ITFG1: variants seen among roughly 807,000 people sequenced by gnomAD.
ITFG1 encodes the protein T-cell immunomodulatory protein.
Under a neutral mutation model 81.8 loss-of-function variants are expected in ITFG1, and 34 were observed. The observed-to-expected ratio is 0.42, with a 90% CI of 0.32 to 0.55. ITFG1 has a LOEUF of 0.55. Ranked by LOEUF, ITFG1 falls within the 20% of genes least tolerant of loss-of-function variation. The pLI, the probability that ITFG1 is intolerant of heterozygous loss-of-function variation, is 0.17. For missense variants in ITFG1, 672 were observed against 755.4 expected, an observed-to-expected ratio of 0.89 and a Z score of 1.29; for synonymous variants, 285 against 270.6, an observed-to-expected ratio of 1.05 and a Z score of -0.52.
chr16:47,380,048 C>CA (rs763213367), intron 6 of ITFG1, among the ~76,000 whole-genome samples: 4,039 of 48,372 alleles, frequency 0.083, 154 homozygotes, highest in African/African-American at 0.16. Context: ...CTTGGGTAGC[C>CA]AAAAAAAAAA....
At chr16:47,323,393 A>T (rs1967478416) in intron 8 of ITFG1, among the ~76,000 whole-genome samples, 1 of 152,138 alleles carries the variant, frequency 6.6e-6, no homozygotes, top group African/African-American at 2.4e-5. Context: ...TAGCAGGCTC[A>T]GCCCCCTAGT....
At chr16:47,412,631 G>C (rs2151603538) in intron 6 of ITFG1, among the ~76,000 whole-genome samples, 1 of 151,442 alleles carries the variant, frequency 6.6e-6, no homozygotes, top group Non-Finnish European at 1.5e-5. Flanking sequence ...GGAGGTGGAG[G>C]TTGCAGTGAG....
intron 12 of ITFG1, among the ~76,000 whole-genome samples, chr16:47,245,026 C>T (rs114787693): frequency 0.022 from 3,396 of 152,234 alleles, 125 homozygotes; most frequent in African/African-American, 0.076. Flanking sequence ...CCTGAGCAGA[C>T]TAATACACAT....
At chr16:47,217,805 G>A (rs2151526665) in intron 14 of ITFG1, among the ~76,000 whole-genome samples, 1 of 152,156 alleles carries the variant, frequency 6.6e-6, no homozygotes, top group South Asian at 2.1e-4. Flanking sequence ...GGCACCTGTG[G>A]TCCCAGCTGC....
At chr16:47,302,035 C>CA (rs112171675) in intron 10 of ITFG1, among the ~76,000 whole-genome samples, 17,631 of 142,740 alleles carry the variant, frequency 0.12, 2,197 homozygotes, top group African/African-American at 0.33. Flanking sequence ...AATGAGTCTT[C>CA]AAAAAAAAAA....
chr16:47,174,250 G>T (rs1964995018), intron 14 of ITFG1, among the ~76,000 whole-genome samples: 5 of 152,018 alleles, frequency 3.3e-5, no homozygotes, highest in Admixed American at 2.6e-4. Flanking sequence ...TTTTAGGCAA[G>T]ATATTGAAGC....
chr16:47,433,792 T>TATATATATAC lies in ITFG1; in HGVS notation c.561-4895_561-4894insGTATATATAT, dbSNP rs1491145615. On this transcript the variant is annotated intron_variant, in intron 5 of 17. Coordinates refer to ENST00000320640, the MANE Select transcript of ITFG1 (RefSeq NM_030790.5). ...CTGAATATATATATATATATATATA[T>TATATATATAC]ACACACACACACATACACACACGTA... 5.0e-3 allele frequency among the ~76,000 whole-genome samples: 683 copies of TATATATATAC among 135,630 alleles called. 9 individuals carry two copies. The highest frequency in any genetic ancestry group is 0.018 in the African/African-American group (649 of 35,300). The allele number at this position is 135,630 out of a possible 152,430, so 89.0% of individuals were successfully genotyped here.
intron 6 of ITFG1, among the ~76,000 whole-genome samples, chr16:47,380,273 G>A (rs984358928): frequency 3.3e-5 from 5 of 152,082 alleles, no homozygotes; most frequent in South Asian, 2.1e-4. Flanking sequence ...TCAGATTCAC[G>A]CAAAACTTCA....
intron 10 of ITFG1, among the ~76,000 whole-genome samples, chr16:47,303,359 T>C (rs1471458063): frequency 6.6e-6 from 1 of 152,204 alleles, no homozygotes; most frequent in African/African-American, 2.4e-5. Context: ...TCTTTGCTTA[T>C]GAAGAAAGTG....
At position 47,154,632 on chromosome 16, in the gene ITFG1, C is replaced by A. The variant is rs571979208; in HGVS notation, c.*1087G>T. 1 of 151,936 alleles carries A rather than the reference C, an allele frequency of 6.6e-6. No individual in the cohort carries two copies. The highest frequency in any genetic ancestry group is 2.1e-4 in the South Asian group (1 of 4,808). The allele number at this position is 151,936 out of a possible 1,614,324, so 9.4% of individuals were successfully genotyped here. On this transcript the variant is annotated 3_prime_UTR_variant, in exon 18 of 18. Transcript: ENST00000320640. Reference sequence around the variant, plus strand: ...TAACTTTTTGGAAATGTGAAGTTCACAATACAAAATTTGCATTGAAGTCTG... The same window carrying A: ...TAACTTTTTGGAAATGTGAAGTTCAAAATACAAAATTTGCATTGAAGTCTG...
At chr16:47,303,471 T>C (rs1229161977) in intron 10 of ITFG1, among the ~76,000 whole-genome samples, 1 of 138,872 alleles carries the variant, frequency 7.2e-6, no homozygotes, top group East Asian at 2.1e-4. Context: ...AGTTACCCAA[T>C]ATAGCACTTA....
At chr16:47,297,100 C>T (rs555261984) in intron 10 of ITFG1, among the ~76,000 whole-genome samples, 3 of 152,172 alleles carry the variant, frequency 2.0e-5, no homozygotes, top group African/African-American at 7.2e-5. Flanking sequence ...AATCTGGGTG[C>T]TCTGGTGCTG....
intron 12 of ITFG1, among the ~76,000 whole-genome samples, chr16:47,249,476 A>G (rs973291439): frequency 1.3e-5 from 2 of 152,282 alleles, no homozygotes; most frequent in Middle Eastern, 3.4e-3. Flanking sequence ...ATTGTGTAAT[A>G]CCCTTTTAAA....
chr16:47,365,424 T>G (rs1968163828), intron 8 of ITFG1: 1 of 172,850 alleles, frequency 5.8e-6, no homozygotes, highest in African/African-American at 2.4e-5. Context: ...AGTATTGGTT[T>G]TAAGAGGTCA....
chr16:47,249,317 G>T (rs1966038685), intron 12 of ITFG1, among the ~76,000 whole-genome samples: 1 of 152,134 alleles, frequency 6.6e-6, no homozygotes. Context: ...TACTTGGGAG[G>T]CTGAGGCAGG....
At chr16:47,215,292 G>C (rs543917605) in intron 14 of ITFG1, among the ~76,000 whole-genome samples, 6 of 152,192 alleles carry the variant, frequency 3.9e-5, no homozygotes, top group African/African-American at 1.4e-4. Context: ...ATTTAAACTG[G>C]GAATTTTCAT....
At position 47,271,922 on chromosome 16, in the gene ITFG1, T is replaced by A. The variant is rs954970773; in HGVS notation, c.1071-11227A>T. Among the ~76,000 whole-genome samples the A allele has an allele frequency of 3.3e-5, 5 of 152,120 alleles. No homozygotes were observed. The East Asian group carries it at 9.6e-4, about 29-fold the overall frequency. On this transcript the variant is annotated intron_variant, in intron 10 of 17. Coordinates refer to ENST00000320640, the MANE Select transcript of ITFG1 (RefSeq NM_030790.5). ...AAAGAATATTCTACTCCTAGGTATATCTCAAGAGAAATGAAAACATGTCTA... is the reference window on the plus strand; with the variant it reads ...AAAGAATATTCTACTCCTAGGTATAACTCAAGAGAAATGAAAACATGTCTA...
At chr16:47,304,438 C>T (rs1210949298) in intron 10 of ITFG1, among the ~76,000 whole-genome samples, 1 of 152,174 alleles carries the variant, frequency 6.6e-6, no homozygotes, top group East Asian at 1.9e-4. Context: ...ATCCAAAGTA[C>T]ATGATCTTTA....
At chr16:47,445,451 AG>A (rs2151616473) in intron 5 of ITFG1, among the ~76,000 whole-genome samples, 1 of 152,272 alleles carries the variant, frequency 6.6e-6, no homozygotes, top group Admixed American at 6.5e-5. Context: ...CTGAGATTCT[AG>A]AAGTTGACAT....
Sources: gnomAD v4.1 joint callset for allele counts (sites outside exome capture counted in the v4.1 genomes callset) on GRCh38, gnomAD v4.1.1 for gene constraint, MANE v1.5 for transcripts, NCBI Gene and HGNC (gene_info 2026-07-23, HGNC 2026-07-21) for gene names.